CDC42BPA: variants seen among roughly 807,000 people sequenced by gnomAD.
CDC42BPA encodes CDC42 binding protein kinase alpha.
In CDC42BPA, 80 loss-of-function variants were observed where a neutral mutation model predicts 223.5. That is an observed-to-expected ratio of 0.36 (90% CI 0.30 to 0.43). The LOEUF is 0.43. Ranked by LOEUF, CDC42BPA falls within the 20% of genes least tolerant of loss-of-function variation. The pLI is 1.00. For missense variants in CDC42BPA, 1,743 were observed against 2,099.9 expected (o/e 0.83, Z 3.32); for synonymous variants, 694 against 718.6 (o/e 0.97, Z 0.55).
intron 30 of CDC42BPA, 113 bp from the exon 31 acceptor site, chr1:227,026,265 T>C: frequency 4.9e-6 from 3 of 611,060 alleles, no homozygotes; most frequent in Non-Finnish European, 8.7e-6. Flanking sequence ...CCAAATCCTA[T>C]GGGGCTATCA....
chr1:227,139,061 A>G (rs1030196113), intron 10 of CDC42BPA, among the ~76,000 whole-genome samples: 3 of 152,170 alleles, frequency 2.0e-5, no homozygotes, highest in African/African-American at 7.2e-5. Flanking sequence ...TAATCTTAAG[A>G]CATATCTTAT....
intron 20 of CDC42BPA, among the ~76,000 whole-genome samples, chr1:227,070,178 T>C (rs1677985761): frequency 6.6e-6 from 1 of 151,864 alleles, no homozygotes; most frequent in South Asian, 2.1e-4. Flanking sequence ...TCTGTTTATA[T>C]CTGATTTTTC....
At chr1:227,227,910 T>A (rs1254787505) in intron 2 of CDC42BPA, among the ~76,000 whole-genome samples, 1 of 152,224 alleles carries the variant, frequency 6.6e-6, no homozygotes, top group Non-Finnish European at 1.5e-5. Flanking sequence ...AAACAAGTAG[T>A]CATCAGTGAT....
intron 32 of CDC42BPA, among the ~76,000 whole-genome samples, chr1:227,017,971 C>T (rs1038196142): frequency 2.6e-5 from 4 of 151,564 alleles, no homozygotes; most frequent in African/African-American, 4.8e-5. Flanking sequence ...ACATGATCCT[C>T]GTGGCATAAT....
chr1:227,241,502 A>G (rs537561716), intron 2 of CDC42BPA, among the ~76,000 whole-genome samples: 2 of 152,330 alleles, frequency 1.3e-5, no homozygotes, highest in East Asian at 1.9e-4. Context: ...CTGCTCAGTA[A>G]TAAAAACGAT....
At position 227,278,008 on chromosome 1, in the gene CDC42BPA, C is replaced by T. The variant is rs1469750111; in HGVS notation, c.179-23853G>A. 2.0e-5 allele frequency among the ~76,000 whole-genome samples: 3 copies of T among 152,324 alleles called. No homozygotes were observed. The East Asian group carries it at 5.8e-4, about 29-fold the overall frequency. On this transcript the variant is annotated intron_variant, in intron 1 of 36. Transcript: ENST00000366766. The stretch of plus-strand genomic sequence containing the variant: ...TCGTGATCCAGCCACCTCGGCCTTC[C>T]TAAGTGCTGGGATTACAGGCGTGAG...
intron 5 of CDC42BPA, among the ~76,000 whole-genome samples, chr1:227,184,764 G>GA (rs903826684): frequency 6.0e-5 from 9 of 150,890 alleles, no homozygotes; most frequent in East Asian, 1.9e-4. Flanking sequence ...GAAAGAACAT[G>GA]AAAAAAAAAT....
chr1:227,181,874 T>C (rs1375350100), intron 5 of CDC42BPA, among the ~76,000 whole-genome samples: 1 of 152,184 alleles, frequency 6.6e-6, no homozygotes, highest in Non-Finnish European at 1.5e-5. Context: ...GTAAAAAGTA[T>C]ATTACTTACA....
chr1:227,079,868 T>TC (rs1454506873), intron 17 of CDC42BPA, among the ~76,000 whole-genome samples: 1 of 152,022 alleles, frequency 6.6e-6, no homozygotes, highest in Admixed American at 6.6e-5. Context: ...AGGTTTTTTT[T>TC]TTAAATTTTG....
chr1:227,002,776 C>T (rs1333321768), intron 35 of CDC42BPA, among the ~76,000 whole-genome samples: 2 of 152,122 alleles, frequency 1.3e-5, no homozygotes, highest in African/African-American at 2.4e-5. Flanking sequence ...CAGACGTGTC[C>T]ACAACCACAT....
At chr1:227,087,390 C>CTTCAT (rs60003160) in intron 16 of CDC42BPA, among the ~76,000 whole-genome samples, 42,810 of 151,820 alleles carry the variant, frequency 0.28, 6,200 homozygotes, top group African/African-American at 0.34. Flanking sequence ...TTTTTGGACT[C>CTTCAT]TTCGTTTCAT....
At position 227,213,212 on chromosome 1, in the gene CDC42BPA, A is replaced by G; in HGVS notation, c.278T>C (p.Val93Ala). 6.9e-7 allele frequency: 1 copy of G among 1,456,650 alleles called. No homozygotes were observed. The highest frequency in any genetic ancestry group is 9.5e-7 in the Non-Finnish European group (1 of 1,051,158). 90.2% of individuals were successfully genotyped at this position (1,456,650 alleles called of 1,614,324 possible). The change falls in exon 3 of 37, where the codon GTA (valine) becomes GCA (alanine). Residue 93 changes from valine (V) to alanine (A), a missense_variant. Physicochemically the swap from Val to Ala is moderately conservative, Grantham distance 64. Coordinates refer to ENST00000366766, the MANE Select transcript of CDC42BPA (RefSeq NM_001394014.1). Reference protein sequence around the residue: ...IGRGAFGEVAVVKLKNADKVF... With the variant: ...IGRGAFGEVAAVKLKNADKVF... The stretch of plus-strand genomic sequence containing the variant: ...TTTATCTGCATTTTTTAGTTTTACT[A>G]CAGCAACCTAGAAAAGATAAAGGAA...
chr1:227,035,713 C>A, intron 24 of CDC42BPA, 106 bp from the exon 25 acceptor site: 2 of 692,088 alleles, frequency 2.9e-6, no homozygotes, highest in Non-Finnish European at 4.5e-6. Context: ...ATGCTTATCT[C>A]CAATTTTATT....
At chr1:227,055,648 CTTTT>C (rs1056041142) in intron 21 of CDC42BPA, among the ~76,000 whole-genome samples, 4 of 151,800 alleles carry the variant, frequency 2.6e-5, no homozygotes, top group African/African-American at 9.7e-5. Context: ...TTAAAATATT[CTTTT>C]TGTCATTTTT....
At chr1:227,073,843 G>T in intron 19 of CDC42BPA, 21 bp downstream of exon 19, 1 of 1,504,768 alleles carries the variant, frequency 6.6e-7, no homozygotes, top group East Asian at 2.4e-5. Context: ...ATTCTAGTGG[G>T]ACTATATGAT....
intron 6 of CDC42BPA, among the ~76,000 whole-genome samples, chr1:227,148,083 T>G (rs539321956): frequency 6.6e-6 from 1 of 152,094 alleles, no homozygotes; most frequent in East Asian, 1.9e-4. Context: ...AAAGAAGAGG[T>G]ATATCCTTCA....
rs528082870 is a variant in CDC42BPA, at chr1:227,090,923, G to A, written c.2355+963C>T. On this transcript the variant is annotated intron_variant, in intron 16 of 36. Coordinates refer to ENST00000366766, the MANE Select transcript of CDC42BPA (RefSeq NM_001394014.1). ...AGTTGGGAAATTTGAGATACTAAGT[G>A]GGAAAAAAATTCCTTTAAGTATTTG... 1.1e-4 allele frequency among the ~76,000 whole-genome samples: 16 copies of A among 152,212 alleles called. 1 individual carries two copies. Among genetic ancestry groups the A allele is most frequent in the African/African-American group, 3.9e-4 (16 of 41,552 alleles).
chr1:227,128,417 C>T (rs564267980), intron 11 of CDC42BPA, among the ~76,000 whole-genome samples: 3 of 152,284 alleles, frequency 2.0e-5, no homozygotes, highest in African/African-American at 7.2e-5. Context: ...TACCTTCCAA[C>T]ATATTGTATC....
chr1:227,078,119 A>G (rs982662407), intron 17 of CDC42BPA, among the ~76,000 whole-genome samples: 1 of 152,160 alleles, frequency 6.6e-6, no homozygotes, highest in African/African-American at 2.4e-5. Flanking sequence ...ATTTCCTACT[A>G]TTCTTTTACA....
Sources: allele counts gnomAD v4.1 joint callset (sites outside exome capture counted in the v4.1 genomes callset), GRCh38; gene constraint gnomAD v4.1.1; transcripts MANE v1.5; gene names NCBI Gene and HGNC (gene_info 2026-07-23, HGNC 2026-07-21).